MPND: variants seen among roughly 807,000 people sequenced by gnomAD.
The protein encoded by MPND is MPN domain-containing protein.
Under a neutral mutation model 59.2 loss-of-function variants are expected in MPND, and 56 were observed. The ratio of observed to expected loss-of-function variants is 0.95; its 90% CI spans 0.76 to 1.18. The LOEUF (loss-of-function observed/expected upper bound fraction) is 1.18, where lower values mean the gene tolerates loss of function less well. Among genes scored for constraint, MPND ranks in the 50% most tolerant of loss-of-function variants. The pLI, the probability that MPND is intolerant of heterozygous loss-of-function variation, is 0.00. For synonymous variants in MPND, 323 were observed against 291.9 expected (o/e 1.11, Z -1.09); for missense variants, 671 against 676.0 (o/e 0.99, Z 0.08).
At chr19:4,346,879 A>AATT (rs1237687121) in intron 3 of MPND, among the ~76,000 whole-genome samples, 2 of 151,934 alleles carry the variant, frequency 1.3e-5, no homozygotes, top group African/African-American at 4.8e-5. Flanking sequence ...AAAAGACAAA[A>AATT]ATTAGCCAGG....
In MPND at chr19:4,343,618, G is replaced by A. The variant is rs912401543; in HGVS notation, c.7+18G>A. On this transcript the variant is annotated intron_variant, in intron 1 of 12. Transcript: ENST00000599840. ...CATGGCAGGTACGGCGGGCCCAGCG[G>A]GGCGGAGGCGCGGGGCGCGGGGCTG... 8.5e-5 allele frequency: 81 copies of A among 950,738 alleles called. No individual in the cohort carries two copies. Among genetic ancestry groups the A allele is most frequent in the Middle Eastern group, 7.7e-4 (2 of 2,602 alleles). The allele number at this position is 950,738 out of a possible 1,614,324, so 58.9% of individuals were successfully genotyped here. A position where few individuals can be genotyped will look rare whatever the true frequency, so the allele number is the denominator to read the frequency against.
Position 4,357,305 on chromosome 19 carries a change from G to A in MPND, c.1049G>A (p.Ser350Asn), listed in dbSNP as rs1360106500. 6.2e-7 allele frequency: 1 copy of A among 1,612,780 alleles called. No individual in the cohort carries two copies. The highest frequency in any genetic ancestry group is 8.5e-7 in the Non-Finnish European group (1 of 1,179,816). Residue 350 changes from serine to asparagine, a missense_variant, in exon 9 of 13, where the codon AGC (serine) becomes AAC (asparagine). Ser to Asn is a conservative substitution (Grantham distance 46). Coordinates refer to ENST00000599840, the MANE Select transcript of MPND (RefSeq NM_001300862.2). ...RGLSLVGWYH[S>N]HPHSPALPSL... ...CTGTCCCTGGTGGGCTGGTACCACA[G>A]CCACCCACACAGCCCGGCGCTGCCA...
At chr19:4,345,633 T>C in intron 2 of MPND, 112 bp from the exon 3 acceptor site, 1 of 985,680 alleles carries the variant, frequency 1.0e-6, no homozygotes, top group Non-Finnish European at 1.5e-6. Context: ...GAGGTGTTCC[T>C]GGAAGCCCTG....
In MPND at chr19:4,353,954, GA is replaced by G. The variant is rs1330866466; in HGVS notation, c.665-90del. On this transcript the variant is annotated intron_variant, in intron 4 of 12. Transcript: ENST00000599840. ...AGCGATCCTCCTGCTTCAGCACTGGGATTATAGGCATGCACCACCACACCCA... is the reference window on the plus strand; with the variant it reads ...AGCGATCCTCCTGCTTCAGCACTGGGTTATAGGCATGCACCACCACACCCA... 5 of 1,110,736 alleles carry G rather than the reference GA, an allele frequency of 4.5e-6. No homozygotes were observed. In the African/African-American group the frequency reaches 7.7e-5, roughly 17 times the overall value. The allele number at this position is 1,110,736 out of a possible 1,614,324, so 68.8% of individuals were successfully genotyped here.
At chr19:4,346,827 C>G (rs1330347346) in intron 3 of MPND, among the ~76,000 whole-genome samples, 1 of 151,760 alleles carries the variant, frequency 6.6e-6, no homozygotes, top group Admixed American at 6.6e-5. Flanking sequence ...GTCAAGAGAT[C>G]CAGACCAGCC....
intron 2 of MPND, among the ~76,000 whole-genome samples, 176 bp from the exon 3 acceptor site, chr19:4,345,569 C>T (rs577646614): frequency 8.1e-4 from 124 of 152,194 alleles, no homozygotes; most frequent in Non-Finnish European, 1.5e-3. Flanking sequence ...GCAGGCTGAT[C>T]AGGTTTGTGG....
At chr19:4,353,176 G>C in intron 4 of MPND, 147 bp downstream of exon 4, 1 of 577,664 alleles carries the variant, frequency 1.7e-6, no homozygotes, top group African/African-American at 1.9e-5. Flanking sequence ...TCTGGAGCCG[G>C]ACGAGGCCTG....
chr19:4,354,264 T>TG (rs1330245783), intron 5 of MPND, 60 bp from the exon 6 acceptor site: 20 of 1,511,300 alleles, frequency 1.3e-5, no homozygotes, highest in Non-Finnish European at 1.8e-5. Context: ...GGAGTCAGTG[T>TG]GGGGGCGAGG....
At chr19:4,351,520 G>A (rs1972314957) in intron 3 of MPND, among the ~76,000 whole-genome samples, 1 of 152,156 alleles carries the variant, frequency 6.6e-6, no homozygotes, top group Non-Finnish European at 1.5e-5. Context: ...ATTTCACCCT[G>A]ATGCCATCCC....
intron 3 of MPND, 56 bp from the exon 4 acceptor site, chr19:4,352,841 C>A (rs11668187): frequency 4.0e-4 from 526 of 1,299,430 alleles, no homozygotes; most frequent in Admixed American, 7.6e-4. Flanking sequence ...TAGCAGGGAG[C>A]GGGGGGGCAC....
At chr19:4,352,369 G>T (rs1309370228) in intron 3 of MPND, among the ~76,000 whole-genome samples, 3 of 152,164 alleles carry the variant, frequency 2.0e-5, no homozygotes, top group African/African-American at 7.2e-5. Context: ...CTCACCAAAG[G>T]TTGCGCAGGG....
intron 5 of MPND, 97 bp from the exon 6 acceptor site, chr19:4,354,227 T>G: frequency 1.3e-6 from 2 of 1,481,694 alleles, no homozygotes; most frequent in Non-Finnish European, 1.8e-6. Context: ...GGACAGAGCC[T>G]CAGATCCTCA....
intron 3 of MPND, among the ~76,000 whole-genome samples, chr19:4,351,822 A>T (rs1461202423): frequency 2.2e-5 from 3 of 135,408 alleles, no homozygotes. Context: ...AGATCATGCC[A>T]CTGCACTCCA....
In MPND at chr19:4,358,186, GGGGC is replaced by G; in HGVS notation, c.1326+19_1326+22del. 1 of 1,549,384 alleles carries G rather than the reference GGGGC, an allele frequency of 6.5e-7. No homozygotes were observed. The highest frequency in any genetic ancestry group is 8.7e-7 in the Non-Finnish European group (1 of 1,145,714). On this transcript the variant is annotated intron_variant, in intron 11 of 12. Transcript: ENST00000599840. The stretch of plus-strand genomic sequence containing the variant: ...CTTCACGAGATGGTGAGCTCGCTGC[GGGGC>G]GGGCAGGCAGGGGCTGGCAGTGCGC...
rs944669066 is a variant in MPND, at chr19:4,358,175, G to T, written c.1326+3G>T. ...CCAATGACATCCTTCACGAGATGGT[G>T]AGCTCGCTGCGGGGCGGGCAGGCAG... On this transcript the variant is annotated splice_donor_region_variant and intron_variant, in intron 11 of 12. Transcript: ENST00000599840. 2 of 1,550,912 alleles carry T rather than the reference G, an allele frequency of 1.3e-6. No homozygotes were observed. Among genetic ancestry groups the T allele is most frequent in the African/African-American group, 2.7e-5 (2 of 73,062 alleles).
Position 4,358,074 on chromosome 19 carries a change from C to T in MPND, c.1237-9C>T, listed in dbSNP as rs1215085528. The T allele has an allele frequency of 1.3e-6, 2 of 1,550,600 alleles. No individual in the cohort carries two copies. Among genetic ancestry groups the T allele is most frequent in the Non-Finnish European group, 1.7e-6 (2 of 1,146,446 alleles). On this transcript the variant is annotated splice_polypyrimidine_tract_variant and intron_variant, in intron 10 of 12. Transcript: ENST00000599840. ...TGAGGCTTCTCTCACTGGTCTGTGT[C>T]CCTGCCAGCAAAGGCCCAGTGACTA...
At chr19:4,352,356 G>A (rs1972337926) in intron 3 of MPND, among the ~76,000 whole-genome samples, 1 of 152,180 alleles carries the variant, frequency 6.6e-6, no homozygotes, top group African/African-American at 2.4e-5. Context: ...AATGGCAATG[G>A]TGCTCACCAA....
chr19:4,346,052 G>A, intron 3 of MPND, 71 bp downstream of exon 3: 1 of 1,305,960 alleles, frequency 7.7e-7, no homozygotes, highest in South Asian at 1.3e-5. Flanking sequence ...GCCTGGCACA[G>A]CTCTCTCCGG....
At chr19:4,349,377 C>T (rs545911657) in intron 3 of MPND, among the ~76,000 whole-genome samples, 27 of 152,266 alleles carry the variant, frequency 1.8e-4, no homozygotes, top group East Asian at 1.5e-3. Flanking sequence ...CAGCCAGTCA[C>T]GATTCCTTTG....
Sources: allele counts gnomAD v4.1 joint callset (sites outside exome capture counted in the v4.1 genomes callset), GRCh38; gene constraint gnomAD v4.1.1; transcripts MANE v1.5; gene names NCBI Gene and HGNC (gene_info 2026-07-23, HGNC 2026-07-21).